Variants in SLC35F1 observed in about 807,000 individuals in gnomAD.
SLC35F1 encodes chromosome 6 open reading frame 169.
A neutral mutation model predicts 48.7 loss-of-function variants in SLC35F1; 14 were observed. The observed-to-expected ratio is 0.29, with a 90% CI of 0.19 to 0.45. SLC35F1 has a LOEUF of 0.45. SLC35F1 is among the 20% of genes least tolerant of loss of function. SLC35F1 has a pLI of 1.00. For missense variants in SLC35F1, 404 were observed against 500.0 expected, an observed-to-expected ratio of 0.81 and a Z score of 1.83; for synonymous variants, 190 against 202.2, an observed-to-expected ratio of 0.94 and a Z score of 0.51.
chr6:117,995,500 T>C (rs563898521), intron 1 of SLC35F1, among the ~76,000 whole-genome samples: 1 of 152,270 alleles, frequency 6.6e-6, no homozygotes, highest in African/African-American at 2.4e-5. Flanking sequence ...CCCAGCACTT[T>C]AGGAGGCCGA....
At chr6:117,930,609 T>C (rs1776087916) in intron 1 of SLC35F1, among the ~76,000 whole-genome samples, 1 of 152,008 alleles carries the variant, frequency 6.6e-6, no homozygotes, top group South Asian at 2.1e-4. Context: ...CTTAGGGAGG[T>C]AATAGTGTGA....
intron 7 of SLC35F1, among the ~76,000 whole-genome samples, chr6:118,297,225 C>A (rs993242443): frequency 5.9e-5 from 9 of 152,150 alleles, no homozygotes; most frequent in African/African-American, 1.9e-4. Context: ...AATATAACCC[C>A]TATGGTTTTT....
At chr6:118,233,365 T>G (rs1395585119) in intron 2 of SLC35F1, among the ~76,000 whole-genome samples, 2 of 152,150 alleles carry the variant, frequency 1.3e-5, no homozygotes, top group East Asian at 3.9e-4. Flanking sequence ...TTGTCAAACA[T>G]GTAAGGCAAG....
chr6:118,134,068 T>G (rs938218399), intron 1 of SLC35F1, among the ~76,000 whole-genome samples: 6 of 152,240 alleles, frequency 3.9e-5, no homozygotes, highest in African/African-American at 1.4e-4. Flanking sequence ...GAAACACAAC[T>G]CAGTTTTGAA....
chr6:118,117,137 G>C (rs1773486129), intron 1 of SLC35F1, among the ~76,000 whole-genome samples: 1 of 152,118 alleles, frequency 6.6e-6, no homozygotes, highest in South Asian at 2.1e-4. Flanking sequence ...AAATGAGATG[G>C]TCATTCTGAG....
intron 4 of SLC35F1, among the ~76,000 whole-genome samples, chr6:118,269,862 C>T (rs1775828461): frequency 1.3e-5 from 2 of 152,058 alleles, no homozygotes; most frequent in African/African-American, 4.8e-5. Context: ...ACAGTGAGAC[C>T]CCATCTCTAC....
At chr6:118,273,184 T>G (rs1402766219) in intron 4 of SLC35F1, among the ~76,000 whole-genome samples, 1 of 152,150 alleles carries the variant, frequency 6.6e-6, no homozygotes, top group African/African-American at 2.4e-5. Context: ...CTCAAAGTAC[T>G]GATGAGTATA....
rs914017762 is a variant in SLC35F1 at position 117,961,756 on chromosome 6, G to A, written c.173+53857G>A. 3.9e-5 allele frequency among the ~76,000 whole-genome samples: 6 copies of A among 152,266 alleles called. No individual in the cohort carries two copies. In the Middle Eastern group the frequency reaches 0.01, roughly 259 times the overall value. ...GTTTCCCAGTAATCCACTGTGAAAG[G>A]AGAGATTTATTTCTAGGGTTGAACA... On this transcript the variant is annotated intron_variant, in intron 1 of 7. Transcript: ENST00000360388.
At chr6:118,290,668 G>A (rs925164052) in intron 7 of SLC35F1, among the ~76,000 whole-genome samples, 2 of 152,060 alleles carry the variant, frequency 1.3e-5, no homozygotes, top group East Asian at 3.9e-4. Context: ...CATCCTCAGG[G>A]CCCTACTTCC....
At chr6:118,310,224 A>G (rs1221211064) in intron 7 of SLC35F1, among the ~76,000 whole-genome samples, 1 of 152,184 alleles carries the variant, frequency 6.6e-6, no homozygotes, top group Admixed American at 6.5e-5. Flanking sequence ...GGAGACAGCC[A>G]CCTTCTGCCT....
At chr6:118,195,686 G>A (rs1774791466) in intron 2 of SLC35F1, among the ~76,000 whole-genome samples, 1 of 152,040 alleles carries the variant, frequency 6.6e-6, no homozygotes, top group African/African-American at 2.4e-5. Context: ...GTTAATTACT[G>A]GATCAAATCT....
At chr6:118,281,463 C>T (rs1162184258) in intron 6 of SLC35F1, among the ~76,000 whole-genome samples, 1 of 152,146 alleles carries the variant, frequency 6.6e-6, no homozygotes, top group East Asian at 1.9e-4. Flanking sequence ...TCCCAGCCTC[C>T]CTTGTCAACT....
At chr6:118,047,193 G>A (rs1376078224) in intron 1 of SLC35F1, among the ~76,000 whole-genome samples, 1 of 152,132 alleles carries the variant, frequency 6.6e-6, no homozygotes, top group Non-Finnish European at 1.5e-5. Context: ...AATTCCAACT[G>A]ATTGGTAGTT....
rs536404146 is a variant in SLC35F1 at position 118,314,485 on chromosome 6, T to C, written c.*233T>C. On this transcript the variant is annotated 3_prime_UTR_variant, in exon 8 of 8. Coordinates refer to ENST00000360388, the MANE Select transcript of SLC35F1 (RefSeq NM_001029858.4). Reference sequence around the variant, plus strand: ...AGCTAACGTGTATCCTGATCACAACTCCCCTGCATTCATTACTGTGAAAAT... The same window carrying C: ...AGCTAACGTGTATCCTGATCACAACCCCCCTGCATTCATTACTGTGAAAAT... 2.1e-5 allele frequency: 11 copies of C among 524,988 alleles called. No homozygotes were observed. The East Asian group carries it at 2.3e-4, about 11-fold the overall frequency. The allele number at this position is 524,988 out of a possible 1,614,324, so 32.5% of individuals were successfully genotyped here.
chr6:118,257,761 C>T (rs1775664691), intron 3 of SLC35F1, among the ~76,000 whole-genome samples: 1 of 152,188 alleles, frequency 6.6e-6, no homozygotes, highest in South Asian at 2.1e-4. Flanking sequence ...GTACTATACT[C>T]AGCTTTTCTG....
At chr6:118,086,599 A>T (rs550939980) in intron 1 of SLC35F1, among the ~76,000 whole-genome samples, 1 of 152,340 alleles carries the variant, frequency 6.6e-6, no homozygotes, top group South Asian at 2.1e-4. Flanking sequence ...GTTTGGGAAC[A>T]TTAGAATGTC....
At chr6:118,293,825 A>G (rs1195305439) in intron 7 of SLC35F1, among the ~76,000 whole-genome samples, 1 of 152,230 alleles carries the variant, frequency 6.6e-6, no homozygotes, top group African/African-American at 2.4e-5. Flanking sequence ...ACACTAAGTC[A>G]TGTGGAGAGA....
At chr6:118,188,507 G>A (rs996763259) in intron 2 of SLC35F1, among the ~76,000 whole-genome samples, 2 of 151,384 alleles carry the variant, frequency 1.3e-5, no homozygotes, top group Admixed American at 6.6e-5. Context: ...CCAAGACCGT[G>A]CCGTTGTACT....
At chr6:118,179,090 G>A (rs1268298206) in intron 2 of SLC35F1, among the ~76,000 whole-genome samples, 1 of 152,088 alleles carries the variant, frequency 6.6e-6, no homozygotes, top group African/African-American at 2.4e-5. Context: ...ACTGGAGCCA[G>A]GCTTATCTCA....
Sources: gnomAD v4.1 joint callset for allele counts (sites outside exome capture counted in the v4.1 genomes callset) on GRCh38, gnomAD v4.1.1 for gene constraint, MANE v1.5 for transcripts, NCBI Gene and HGNC (gene_info 2026-07-23, HGNC 2026-07-21) for gene names.